Variants in FGF14 observed in about 807,000 individuals in gnomAD.
FGF14 encodes the protein fibroblast growth factor homologous factor 4.
FGF14 carries 5 observed loss-of-function variants against 25.5 expected under a neutral mutation model. That is an observed-to-expected ratio of 0.20 (90% CI 0.10 to 0.41). FGF14 has a LOEUF of 0.41. Ranked by LOEUF, FGF14 falls within the 10% of genes least tolerant of loss-of-function variation. FGF14 has a pLI of 1.00. For missense variants in FGF14, 222 were observed against 320.1 expected (o/e 0.69, Z 2.34); for synonymous variants, 138 against 118.3 (o/e 1.17, Z -1.08).
At chr13:102,206,038 TTAG>T (rs2049905071) in intron 1 of FGF14, among the ~76,000 whole-genome samples, 2 of 120,204 alleles carry the variant, frequency 1.7e-5, no homozygotes, top group Non-Finnish European at 3.4e-5. Context: ...AAAAAAAGCA[TTAG>T]ATTCCAGCTA....
At chr13:101,981,931 T>C (rs796488021) in intron 1 of FGF14, among the ~76,000 whole-genome samples, 10 of 152,288 alleles carry the variant, frequency 6.6e-5, no homozygotes, top group African/African-American at 1.9e-4. Flanking sequence ...CTGAGTTCCA[T>C]AGACTTAGCT....
chr13:102,166,612 G>T (rs1006198121), intron 1 of FGF14, among the ~76,000 whole-genome samples: 1 of 152,116 alleles, frequency 6.6e-6, no homozygotes, highest in Non-Finnish European at 1.5e-5. Context: ...GTGTTTAAGC[G>T]CTTTCTGCCA....
At chr13:102,349,039 T>C (rs539418214) in intron 1 of FGF14, among the ~76,000 whole-genome samples, 1 of 152,294 alleles carries the variant, frequency 6.6e-6, no homozygotes, top group Admixed American at 6.5e-5. Context: ...GAGACCTTTT[T>C]GGTTGTCAAA....
intron 1 of FGF14, among the ~76,000 whole-genome samples, chr13:102,233,530 A>ACC (rs1194555231): frequency 1.3e-5 from 2 of 151,910 alleles, no homozygotes. Context: ...TCACAGCTGT[A>ACC]CCCCCAGCAC....
In FGF14 at chr13:102,359,676, T is replaced by C. The variant is rs543779077; in HGVS notation, c.208+41795A>G. ...TGCTGTTCCAAATTAAAACTTCATT[T>C]TTAGCCCTTTATATCTCAGTGAAAT... On this transcript the variant is annotated intron_variant, in intron 1 of 4. Transcript: ENST00000376131. Among the ~76,000 whole-genome samples, 11 of 152,300 alleles carry C rather than the reference T, an allele frequency of 7.2e-5. No individual in the cohort carries two copies. In the East Asian group the frequency reaches 2.1e-3, roughly 29 times the overall value.
chr13:102,010,735 A>G (rs1443497119), intron 1 of FGF14, among the ~76,000 whole-genome samples: 1 of 152,188 alleles, frequency 6.6e-6, no homozygotes, highest in Non-Finnish European at 1.5e-5. Flanking sequence ...AGATGATAAT[A>G]ATGCTTTCCT....
chr13:101,837,168 ATGTGTGTGTGTGTGTATGTGTGTT>A (rs1355788441), intron 3 of FGF14, among the ~76,000 whole-genome samples: 1 of 143,924 alleles, frequency 6.9e-6, no homozygotes, highest in Non-Finnish European at 1.5e-5. Context: ...CTGGTACTAT[ATGTGTGTGTGTGTGTATGTGTGTT>A]TGTGTGTGTG....
At chr13:101,990,928 G>A (rs369230736) in intron 1 of FGF14, among the ~76,000 whole-genome samples, 42 of 152,090 alleles carry the variant, frequency 2.8e-4, no homozygotes, top group African/African-American at 9.6e-4. Context: ...AAGTAAAATC[G>A]ACAGAACATC....
At chr13:102,181,493 C>A (rs1362509459) in intron 1 of FGF14, among the ~76,000 whole-genome samples, 1 of 152,042 alleles carries the variant, frequency 6.6e-6, no homozygotes, top group Non-Finnish European at 1.5e-5. Flanking sequence ...AAGGTAAGCC[C>A]TAATCCAATA....
chr13:102,250,137 C>T (rs983365165), intron 1 of FGF14, among the ~76,000 whole-genome samples: 4 of 152,186 alleles, frequency 2.6e-5, no homozygotes, highest in Admixed American at 2.6e-4. Context: ...GCTTTAACAT[C>T]AGCCAAGCTG....
At chr13:101,736,911 G>C (rs967281565) in intron 3 of FGF14, among the ~76,000 whole-genome samples, 4 of 150,844 alleles carry the variant, frequency 2.7e-5, no homozygotes, top group African/African-American at 7.3e-5. Flanking sequence ...GGAAATCAAA[G>C]AGGGAAATGT....
At chr13:101,776,165 G>A (rs1305912963) in intron 3 of FGF14, among the ~76,000 whole-genome samples, 2 of 152,218 alleles carry the variant, frequency 1.3e-5, no homozygotes, top group Non-Finnish European at 2.9e-5. Flanking sequence ...ATTATCAGTG[G>A]GGATATCAGA....
At chr13:102,190,815 G>A (rs1344082590) in intron 1 of FGF14, among the ~76,000 whole-genome samples, 1 of 152,042 alleles carries the variant, frequency 6.6e-6, no homozygotes, top group Non-Finnish European at 1.5e-5. Context: ...AACCAACAGA[G>A]AAATTCAAAG....
chr13:101,984,248 G>A (rs1312676464), intron 1 of FGF14, among the ~76,000 whole-genome samples: 1 of 151,888 alleles, frequency 6.6e-6, no homozygotes, highest in African/African-American at 2.4e-5. Flanking sequence ...TTTTCATTTG[G>A]CACCTTCTCC....
chr13:101,935,873 G>A (rs902448615), intron 1 of FGF14, among the ~76,000 whole-genome samples: 5 of 152,258 alleles, frequency 3.3e-5, no homozygotes, highest in Admixed American at 3.3e-4. Flanking sequence ...TGATTAATTT[G>A]AGAATGCATT....
intron 1 of FGF14, among the ~76,000 whole-genome samples, chr13:102,146,748 C>T (rs1260066711): frequency 6.6e-6 from 1 of 151,966 alleles, no homozygotes; most frequent in Admixed American, 6.6e-5. Context: ...TTAATTAAAC[C>T]AAGAAAAAGC....
intron 1 of FGF14, among the ~76,000 whole-genome samples, chr13:102,353,517 A>G (rs2138993601): frequency 6.6e-6 from 1 of 152,280 alleles, no homozygotes; most frequent in Admixed American, 6.5e-5. Flanking sequence ...TATCTTCTCC[A>G]CGGAAGTTCC....
At chr13:101,897,236 C>A (rs1478758240) in intron 1 of FGF14, among the ~76,000 whole-genome samples, 1 of 152,142 alleles carries the variant, frequency 6.6e-6, no homozygotes, top group Admixed American at 6.5e-5. Context: ...CATGCATTAT[C>A]TCATTCAAGT....
intron 1 of FGF14, among the ~76,000 whole-genome samples, chr13:101,914,843 CTG>C (rs2139109897): frequency 6.6e-6 from 1 of 152,128 alleles, no homozygotes; most frequent in Admixed American, 6.5e-5. Context: ...GTGGTGAAAA[CTG>C]TATTCTAAAA....
Sources: allele counts gnomAD v4.1 joint callset (sites outside exome capture counted in the v4.1 genomes callset), GRCh38; gene constraint gnomAD v4.1.1; transcripts MANE v1.5; gene names NCBI Gene and HGNC (gene_info 2026-07-23, HGNC 2026-07-21).